Variants in SV2C observed in about 807,000 individuals in gnomAD.
SV2C encodes the protein synaptic vesicle glycoprotein 2C, also known as solute carrier family 22 member B3.
In SV2C, 49 loss-of-function variants were observed where a neutral mutation model predicts 79.7. That is an observed-to-expected ratio of 0.61 (90% CI 0.49 to 0.78). The LOEUF (loss-of-function observed/expected upper bound fraction) is 0.78, where lower values mean the gene tolerates loss of function less well. Among genes scored for constraint, SV2C ranks in the 30% least tolerant of loss-of-function variants. The probability of loss-of-function intolerance (pLI) is 0.00; values close to 1 mark genes in which losing one functional copy is unlikely to be tolerated. For synonymous variants in SV2C, 334 were observed against 333.2 expected (o/e 1.00, Z -0.03); for missense variants, 833 against 912.9 (o/e 0.91, Z 1.13).
chr5:76,027,315 G>C, the SV2C span, among the ~76,000 whole-genome samples: 2,266 of 152,088 alleles, frequency 0.015, 59 homozygotes, highest in African/African-American at 0.047. Context: ...ACCCGCCTCA[G>C]CCTTCCAAAG....
chr5:76,351,116 G>T (rs1461102249), intron 12 of SV2C, among the ~76,000 whole-genome samples: 1 of 152,116 alleles, frequency 6.6e-6, no homozygotes, highest in Non-Finnish European at 1.5e-5. Flanking sequence ...GCCGGGGAAG[G>T]CAGCTTTCTG....
chr5:76,207,775 G>A (rs1744649055), intron 3 of SV2C, among the ~76,000 whole-genome samples: 1 of 152,142 alleles, frequency 6.6e-6, no homozygotes, highest in Admixed American at 6.5e-5. Context: ...AGACAGCCTG[G>A]TGGAGTCTCA....
At chr5:76,207,803 T>G (rs1013091751) in intron 3 of SV2C, among the ~76,000 whole-genome samples, 14 of 152,166 alleles carry the variant, frequency 9.2e-5, no homozygotes, top group African/African-American at 3.4e-4. Context: ...GAAGATTAAT[T>G]AAATGATGTC....
Position 76,183,030 on chromosome 5 carries a change from A to ATT in SV2C, c.581-11867_581-11866dup, listed in dbSNP as rs759427459. On this transcript the variant is annotated intron_variant, in intron 2 of 12. Transcript: ENST00000502798. Reference sequence around the variant, plus strand: ...TGACCACATCTCATGAGAACCTACCATTTTTTTTTTTTTTTTTTTTTTTGA... The same window carrying ATT: ...TGACCACATCTCATGAGAACCTACCATTTTTTTTTTTTTTTTTTTTTTTTTGA... Among the ~76,000 whole-genome samples the ATT allele has an allele frequency of 6.7e-4, 68 of 102,024 alleles. 1 individual carries two copies. The highest frequency in any genetic ancestry group is 9.7e-4 in the Non-Finnish European group (54 of 55,404). The allele number at this position is 102,024 out of a possible 152,430, so 66.9% of individuals were successfully genotyped here.
the SV2C span, among the ~76,000 whole-genome samples, chr5:75,939,876 C>T: frequency 6.0e-4 from 92 of 152,274 alleles, no homozygotes; most frequent in Non-Finnish European, 1.0e-3. Flanking sequence ...CCATCTTCAC[C>T]TGGCTTCCTT....
chr5:75,943,525 G>A, the SV2C span, among the ~76,000 whole-genome samples: 16 of 151,902 alleles, frequency 1.1e-4, no homozygotes, highest in Non-Finnish European at 2.4e-4. Context: ...TCTCTATCCT[G>A]TTTGCTCAAC....
chr5:76,278,889 G>A (rs1747099484), intron 4 of SV2C, among the ~76,000 whole-genome samples: 2 of 152,226 alleles, frequency 1.3e-5, no homozygotes, highest in South Asian at 4.1e-4. Flanking sequence ...GTGGACTATG[G>A]AGGACCAAGA....
chr5:75,968,520 A>G, the SV2C span, among the ~76,000 whole-genome samples: 1 of 152,242 alleles, frequency 6.6e-6, no homozygotes, highest in African/African-American at 2.4e-5. Context: ...AGAGAACTAC[A>G]TGACGAATGC....
intron 4 of SV2C, among the ~76,000 whole-genome samples, chr5:76,242,928 C>A (rs1561280407): frequency 1.4e-5 from 2 of 142,718 alleles, no homozygotes; most frequent in Non-Finnish European, 3.0e-5. Flanking sequence ...GCGGGAGGAT[C>A]CCTTGAGCCT....
At chr5:76,263,525 T>C (rs1465613776) in intron 4 of SV2C, among the ~76,000 whole-genome samples, 1 of 152,184 alleles carries the variant, frequency 6.6e-6, no homozygotes, top group Non-Finnish European at 1.5e-5. Context: ...GCTTGTTATG[T>C]TGCCCATTAG....
chr5:76,174,228 T>C (rs1487308262), intron 2 of SV2C: 2 of 1,584,172 alleles, frequency 1.3e-6, no homozygotes. Context: ...CCTCTCACGC[T>C]GTCACCGGGT....
At chr5:76,348,507 C>T (rs759658542) in intron 12 of SV2C, among the ~76,000 whole-genome samples, 3 of 152,154 alleles carry the variant, frequency 2.0e-5, no homozygotes, top group Non-Finnish European at 2.9e-5. Context: ...TAAGAAACCG[C>T]GAAACTGACT....
At chr5:76,254,257 T>TATATAGAG (rs1053047235) in intron 4 of SV2C, among the ~76,000 whole-genome samples, 5 of 149,304 alleles carry the variant, frequency 3.3e-5, no homozygotes, top group African/African-American at 1.2e-4. Flanking sequence ...TATATATATA[T>TATATAGAG]AGAGAGAGAG....
chr5:75,847,824 T>C, the SV2C span, among the ~76,000 whole-genome samples: 2 of 152,104 alleles, frequency 1.3e-5, no homozygotes, highest in African/African-American at 4.8e-5. Flanking sequence ...TGAGAAGTAG[T>C]GTAATGATTG....
chr5:76,073,544 T>TATATACAC, the SV2C span, among the ~76,000 whole-genome samples: 3 of 121,094 alleles, frequency 2.5e-5, no homozygotes, highest in South Asian at 2.6e-4. Flanking sequence ...TATATATATA[T>TATATACAC]ACACCATGGA....
At chr5:76,236,492 G>A (rs1203869034) in intron 4 of SV2C, among the ~76,000 whole-genome samples, 1 of 152,026 alleles carries the variant, frequency 6.6e-6, no homozygotes, top group Non-Finnish European at 1.5e-5. Context: ...AACCCAGGGG[G>A]CAGAGGTTGC....
chr5:76,353,173 G>T (rs1351782213), exon 13 of SV2C: 5 of 439,288 alleles, frequency 1.1e-5, no homozygotes, highest in Admixed American at 2.4e-5. Flanking sequence ...TTGAACTCCT[G>T]GCCTCAAGCA....
chr5:75,878,303 G>A, the SV2C span, among the ~76,000 whole-genome samples: 3 of 152,086 alleles, frequency 2.0e-5, no homozygotes, highest in Non-Finnish European at 4.4e-5. Flanking sequence ...GTGAGTTTAA[G>A]TTCTAGTCCT....
intron 6 of SV2C, among the ~76,000 whole-genome samples, chr5:76,290,374 G>C (rs1029533142): frequency 4.1e-4 from 62 of 152,160 alleles, no homozygotes; most frequent in Non-Finnish European, 1.3e-4. Context: ...GGAAAAACCT[G>C]TTCAAACCTC....
Sources: allele counts gnomAD v4.1 joint callset (sites outside exome capture counted in the v4.1 genomes callset), GRCh38; gene constraint gnomAD v4.1.1; transcripts MANE v1.5; gene names NCBI Gene and HGNC (gene_info 2026-07-23, HGNC 2026-07-21).